RGL1: variants seen among roughly 807,000 people sequenced by gnomAD.
RGL1 encodes the protein ral guanine nucleotide dissociation stimulator-like 1.
In RGL1, 24 loss-of-function variants were observed where a neutral mutation model predicts 95.2. The observed-to-expected ratio is 0.25, with a 90% CI of 0.18 to 0.35. The LOEUF (loss-of-function observed/expected upper bound fraction) is 0.35. Among genes scored for constraint, RGL1 ranks in the 10% least tolerant of loss-of-function variants. The probability of loss-of-function intolerance (pLI) is 1.00; values close to 1 mark genes in which losing one functional copy is unlikely to be tolerated. For missense variants in RGL1, 715 were observed against 936.3 expected, an observed-to-expected ratio of 0.76 and a Z score of 3.08; for synonymous variants, 329 against 344.9, an observed-to-expected ratio of 0.95 and a Z score of 0.51.
intron 1 of RGL1, chr1:183,653,289 A>AG (rs1650903361): frequency 6.6e-6 from 1 of 152,222 alleles, no homozygotes; most frequent in Non-Finnish European, 1.5e-5. Context: ...GCCCTTGCTG[A>AG]GGTGTGGCTA....
At chr1:183,847,432 G>A in intron 2 of RGL1, 134 bp from the exon 3 acceptor site, 1 of 799,780 alleles carries the variant, frequency 1.3e-6, no homozygotes, top group Admixed American at 2.4e-5. Context: ...TCCAGCCTGG[G>A]TAACAAAAGG....
chr1:183,922,877 T>A (rs1231339241), intron 17 of RGL1, among the ~76,000 whole-genome samples: 1 of 152,246 alleles, frequency 6.6e-6, no homozygotes, highest in Non-Finnish European at 1.5e-5. Flanking sequence ...AAAGAACTGG[T>A]AATCTATGAA....
At chr1:183,651,835 T>A (rs1024597508) in intron 1 of RGL1, among the ~76,000 whole-genome samples, 1 of 152,222 alleles carries the variant, frequency 6.6e-6, no homozygotes, top group African/African-American at 2.4e-5. Flanking sequence ...CTGACGCCAT[T>A]TCCTGCTTAC....
intron 14 of RGL1, among the ~76,000 whole-genome samples, chr1:183,910,448 G>A (rs1363895201): frequency 1.3e-5 from 2 of 152,182 alleles, no homozygotes; most frequent in African/African-American, 4.8e-5. Context: ...GTTTAAGTGG[G>A]AGTTTAGTCT....
At chr1:183,714,570 C>T (rs772818856) in intron 1 of RGL1, among the ~76,000 whole-genome samples, 6 of 152,196 alleles carry the variant, frequency 3.9e-5, no homozygotes, top group Non-Finnish European at 5.9e-5. Flanking sequence ...AATTTAAGCC[C>T]CTTGATTTGT....
chr1:183,833,693 A>G (rs1041712781), intron 2 of RGL1, among the ~76,000 whole-genome samples: 2 of 152,192 alleles, frequency 1.3e-5, no homozygotes, highest in Non-Finnish European at 2.9e-5. Flanking sequence ...ATGATTTGCT[A>G]TATTTTTGCA....
chr1:183,739,407 G>C (rs918262289), intron 1 of RGL1, among the ~76,000 whole-genome samples: 1 of 152,352 alleles, frequency 6.6e-6, no homozygotes, highest in East Asian at 1.9e-4. Context: ...CTAGGAGAGA[G>C]AGCATGAACT....
intron 1 of RGL1, chr1:183,648,743 T>C (rs1030015344): frequency 6.2e-7 from 1 of 1,612,842 alleles, no homozygotes; most frequent in African/African-American, 1.3e-5. Context: ...TTACTATTGT[T>C]CCATGATTTG....
rs114965757 is a variant in RGL1 at position 183,854,631 on chromosome 1, A to C, written c.347+6857A>C. ...CAGACTTTTCAGAATTTTAGGATAC[A>C]TTATGGGAAAAGCAATTTTTCCTGT... On this transcript the variant is annotated intron_variant, in intron 3 of 17. Coordinates refer to ENST00000360851, the MANE Select transcript of RGL1 (RefSeq NM_001297671.3). 3.3e-3 allele frequency among the ~76,000 whole-genome samples: 503 copies of C among 152,258 alleles called. 3 individuals carry two copies. Among genetic ancestry groups the C allele is most frequent in the African/African-American group, 0.011 (445 of 41,558 alleles).
At chr1:183,887,963 C>CTTT (rs990771296) in intron 7 of RGL1, among the ~76,000 whole-genome samples, 19 of 152,238 alleles carry the variant, frequency 1.2e-4, no homozygotes, top group African/African-American at 4.3e-4. Context: ...TGGCTAAGAG[C>CTTT]ATAAAAGCCA....
chr1:183,684,848 C>T (rs1457526923), intron 1 of RGL1, among the ~76,000 whole-genome samples: 1 of 152,166 alleles, frequency 6.6e-6, no homozygotes, highest in Non-Finnish European at 1.5e-5. Context: ...GAAGGAGTTC[C>T]CTGATCACTT....
At chr1:183,656,032 T>G (rs1465666201) in intron 1 of RGL1, among the ~76,000 whole-genome samples, 1 of 152,076 alleles carries the variant, frequency 6.6e-6, no homozygotes, top group Non-Finnish European at 1.5e-5. Flanking sequence ...ATGGAGTCAC[T>G]CATGCTAAAT....
chr1:183,663,337 A>C (rs1349693341), intron 1 of RGL1, among the ~76,000 whole-genome samples: 1 of 151,730 alleles, frequency 6.6e-6, no homozygotes, highest in African/African-American at 2.4e-5. Context: ...AATATCCAGA[A>C]TCTACAATGA....
upstream of RGL1, among the ~76,000 whole-genome samples, chr1:183,802,511 T>C (rs1204437177): frequency 6.8e-6 from 1 of 148,010 alleles, no homozygotes; most frequent in Non-Finnish European, 1.5e-5. Context: ...GCATTGAATA[T>C]GCAGAAAGTT....
chr1:183,889,852 C>T (rs1234865587), intron 8 of RGL1, among the ~76,000 whole-genome samples: 3 of 152,120 alleles, frequency 2.0e-5, no homozygotes, highest in Non-Finnish European at 2.9e-5. Flanking sequence ...AACTAGCAGG[C>T]TTTTCAAAGA....
intron 2 of RGL1, among the ~76,000 whole-genome samples, chr1:183,826,998 C>A (rs540895743): frequency 6.6e-6 from 1 of 152,232 alleles, no homozygotes; most frequent in South Asian, 2.1e-4. Context: ...TCTTGGCTCA[C>A]TACAACCTCC....
chr1:183,857,202 C>T (rs576064446), intron 3 of RGL1, among the ~76,000 whole-genome samples: 2 of 152,220 alleles, frequency 1.3e-5, no homozygotes, highest in East Asian at 3.9e-4. Flanking sequence ...TGCTATGTTG[C>T]TGGCTTTGAA....
intron 3 of RGL1, among the ~76,000 whole-genome samples, chr1:183,849,482 A>AATTTTATTT (rs150367802): frequency 1.0e-5 from 1 of 99,360 alleles, no homozygotes; most frequent in Non-Finnish European, 1.9e-5. Context: ...TCCAGTTTTT[A>AATTTTATTT]GTTTTTTTTT....
intron 2 of RGL1, among the ~76,000 whole-genome samples, chr1:183,808,652 A>G (rs1430969742): frequency 6.6e-6 from 1 of 152,152 alleles, no homozygotes; most frequent in Non-Finnish European, 1.5e-5. Context: ...AAAATTCTTC[A>G]AAGTAACTAG....
Sources: gnomAD v4.1 joint callset for allele counts (sites outside exome capture counted in the v4.1 genomes callset) on GRCh38, gnomAD v4.1.1 for gene constraint, MANE v1.5 for transcripts, NCBI Gene and HGNC (gene_info 2026-07-23, HGNC 2026-07-21) for gene names.